Variants in AMN1 observed in about 807,000 individuals in gnomAD.
The protein encoded by AMN1 is antagonist of mitotic exit network 1 homolog.
Under a neutral mutation model 33.0 loss-of-function variants are expected in AMN1, and 20 were observed. The ratio of observed to expected loss-of-function variants is 0.61; its 90% CI spans 0.43 to 0.88. AMN1 has a LOEUF of 0.88. Ranked by LOEUF, AMN1 falls within the 40% of genes least tolerant of loss-of-function variation. AMN1 has a pLI of 0.00. For synonymous variants in AMN1, 114 were observed against 111.9 expected (o/e 1.02, Z -0.12); for missense variants, 246 against 307.4 (o/e 0.80, Z 1.49).
chr12:31,675,929 T>C (rs1447498031), intron 6 of AMN1, among the ~76,000 whole-genome samples: 1 of 151,862 alleles, frequency 6.6e-6, no homozygotes, highest in Non-Finnish European at 1.5e-5. Context: ...TAAAACTATC[T>C]ATTTGTAGAT....
At chr12:31,699,772 T>C (rs558627750) in intron 3 of AMN1, among the ~76,000 whole-genome samples, 3 of 152,286 alleles carry the variant, frequency 2.0e-5, no homozygotes, top group South Asian at 4.1e-4. Context: ...GGCCTTGCAA[T>C]TGGCATCTGA....
chr12:31,692,171 C>G (rs1938529607), intron 5 of AMN1, among the ~76,000 whole-genome samples: 1 of 151,778 alleles, frequency 6.6e-6, no homozygotes, highest in Admixed American at 6.6e-5. Context: ...GCCACTGCAC[C>G]CAGCTGTAAC....
intron 6 of AMN1, among the ~76,000 whole-genome samples, chr12:31,680,059 G>A (rs1234535636): frequency 6.7e-6 from 1 of 149,334 alleles, no homozygotes; most frequent in Non-Finnish European, 1.5e-5. Flanking sequence ...GGAGGTGGAG[G>A]TTGCAGTGAA....
chr12:31,701,655 C>T lies in AMN1; in HGVS notation c.316+208G>A, dbSNP rs148014893. ...TTTAAAATACAAGGTAGTGACTTACCCAGTGTCTTTCTTAACTTTGAGCAC... is the reference window on the plus strand; with the variant it reads ...TTTAAAATACAAGGTAGTGACTTACTCAGTGTCTTTCTTAACTTTGAGCAC... On this transcript the variant is annotated intron_variant, in intron 3 of 6. Transcript: ENST00000281471. Among the ~76,000 whole-genome samples, 608 of 152,204 alleles carry T rather than the reference C, an allele frequency of 4.0e-3. 5 individuals carry two copies. The highest frequency in any genetic ancestry group is 0.017 in the Middle Eastern group (5 of 294).
intron 3 of AMN1, among the ~76,000 whole-genome samples, chr12:31,700,284 G>C (rs1342952013): frequency 2.0e-5 from 3 of 152,090 alleles, no homozygotes; most frequent in Non-Finnish European, 4.4e-5. Flanking sequence ...GATCGCTTGA[G>C]CCTGGGAGGC....
intron 6 of AMN1, among the ~76,000 whole-genome samples, chr12:31,688,012 T>C (rs931910435): frequency 5.3e-5 from 8 of 152,192 alleles, no homozygotes; most frequent in African/African-American, 1.7e-4. Flanking sequence ...TGGAATGCAA[T>C]GGCGTGATCT....
intron 3 of AMN1, among the ~76,000 whole-genome samples, chr12:31,699,959 G>A (rs977235426): frequency 2.6e-5 from 4 of 152,184 alleles, no homozygotes; most frequent in African/African-American, 9.7e-5. Flanking sequence ...TGGTGTGAGT[G>A]TAGAGAAATG....
chr12:31,725,090 C>T (rs894390074), intron 1 of AMN1, among the ~76,000 whole-genome samples: 1 of 152,154 alleles, frequency 6.6e-6, no homozygotes, highest in Admixed American at 6.5e-5. Flanking sequence ...CTTCTCCCCC[C>T]ACAGTGGCGA....
chr12:31,709,373 G>T lies in AMN1; in HGVS notation c.91C>A (p.Pro31Thr). Residue 31 changes from proline to threonine, a missense_variant, in exon 2 of 7, where the codon CCT (proline) becomes ACT (threonine). Coordinates refer to ENST00000281471, the MANE Select transcript of AMN1 (RefSeq NM_001113402.2). The stretch of plus-strand genomic sequence containing the variant: ...CTGTCTTTTATGTTGGGAGGCAAAG[G>T]CTTAATGTCTGTGAGATATCTGGAA... ...NISRYLTDIKPLPPNIKDRLI... is the reference protein window; with the variant it reads ...NISRYLTDIKTLPPNIKDRLI... 1 of 1,613,790 alleles carries T rather than the reference G, an allele frequency of 6.2e-7. No individual in the cohort carries two copies. The highest frequency in any genetic ancestry group is 8.5e-7 in the Non-Finnish European group (1 of 1,179,802).
At chr12:31,696,006 G>A (rs1268012136) in intron 5 of AMN1, among the ~76,000 whole-genome samples, 1 of 151,734 alleles carries the variant, frequency 6.6e-6, no homozygotes, top group Non-Finnish European at 1.5e-5. Flanking sequence ...ACTTTGGGAG[G>A]TCGAGGGGGG....
At chr12:31,703,098 G>GC in intron 2 of AMN1, among the ~76,000 whole-genome samples, 1 of 151,650 alleles carries the variant, frequency 6.6e-6, no homozygotes, top group Non-Finnish European at 1.5e-5. Flanking sequence ...CCCACTGCCC[G>GC]CCCCCAAGGG....
At position 31,697,877 on chromosome 12, in the gene AMN1, C is replaced by A; in HGVS notation, c.397G>T (p.Val133Phe). The A allele has an allele frequency of 6.2e-7, 1 of 1,614,020 alleles. No homozygotes were observed. Among genetic ancestry groups the A allele is most frequent in the Non-Finnish European group, 8.5e-7 (1 of 1,179,878 alleles). Residue 133 changes from valine (V) to phenylalanine (F), a missense_variant, in exon 4 of 7, where the codon GTC becomes TTC. Transcript: ENST00000281471. ...KRCCNLTDEG[V>F]VALALNCQLL... Reference sequence around the variant, plus strand: ...TGGCAATTGAGTGCAAGAGCAACGACTCCTTCGTCAGTGAGATTGCAGCAT... The same window carrying A: ...TGGCAATTGAGTGCAAGAGCAACGAATCCTTCGTCAGTGAGATTGCAGCAT...
chr12:31,693,611 C>A (rs1938596503), intron 5 of AMN1, among the ~76,000 whole-genome samples: 1 of 151,404 alleles, frequency 6.6e-6, no homozygotes, highest in Non-Finnish European at 1.5e-5. Flanking sequence ...GGTGTGATCT[C>A]AGCTCACCAC....
intron 1 of AMN1, among the ~76,000 whole-genome samples, chr12:31,714,252 T>C (rs1216855829): frequency 6.6e-6 from 1 of 152,240 alleles, no homozygotes; most frequent in African/African-American, 2.4e-5. Context: ...ACCAGATATC[T>C]CCAACTAGGA....
chr12:31,709,977 T>G (rs1247153241), intron 1 of AMN1, among the ~76,000 whole-genome samples: 2 of 152,236 alleles, frequency 1.3e-5, no homozygotes, highest in African/African-American at 4.8e-5. Context: ...AAATGCATTT[T>G]AAATGACCAA....
intron 1 of AMN1, among the ~76,000 whole-genome samples, chr12:31,721,172 A>C (rs1011996535): frequency 1.3e-5 from 2 of 152,154 alleles, no homozygotes; most frequent in African/African-American, 4.8e-5. Context: ...ATTGGTGAGG[A>C]TGATGGGGTG....
At chr12:31,709,829 A>G (rs1939399066) in intron 1 of AMN1, among the ~76,000 whole-genome samples, 1 of 150,960 alleles carries the variant, frequency 6.6e-6, no homozygotes, top group South Asian at 2.1e-4. Flanking sequence ...ATCCTGTCTC[A>G]AAAAAAAGTA....
intron 2 of AMN1, 33 bp from the exon 3 acceptor site, chr12:31,702,040 T>C (rs767538647): frequency 2.7e-5 from 40 of 1,509,392 alleles, no homozygotes; most frequent in Non-Finnish European, 3.6e-5. Flanking sequence ...AAAAAATTAT[T>C]TCTTTCTATA....
chr12:31,720,393 AGCCGG>A (rs1279754806), intron 1 of AMN1, among the ~76,000 whole-genome samples: 6 of 152,040 alleles, frequency 3.9e-5, no homozygotes. Flanking sequence ...ATACAAAATT[AGCCGG>A]GTGTGGTGGC....
Sources: allele counts gnomAD v4.1 joint callset (sites outside exome capture counted in the v4.1 genomes callset), GRCh38; gene constraint gnomAD v4.1.1; transcripts MANE v1.5; gene names NCBI Gene and HGNC (gene_info 2026-07-23, HGNC 2026-07-21).